The following USP32 variants were observed in gnomAD, a reference collection of about 807,000 sequenced individuals.
The protein encoded by USP32 is ubiquitin carboxyl-terminal hydrolase 32.
In USP32, 59 loss-of-function variants were observed where a neutral mutation model predicts 204.8. That is an observed-to-expected ratio of 0.29 (90% CI 0.23 to 0.36). The LOEUF (loss-of-function observed/expected upper bound fraction) is 0.36, where lower values mean the gene tolerates loss of function less well. Among genes scored for constraint, USP32 ranks in the 10% least tolerant of loss-of-function variants. USP32 has a pLI of 1.00. For missense variants in USP32, 1,160 were observed against 1,946.4 expected (o/e 0.60, Z 7.60); for synonymous variants, 517 against 678.4 (o/e 0.76, Z 3.70).
chr17:60,291,912 A>G (rs936179838), intron 4 of USP32, among the ~76,000 whole-genome samples: 2 of 151,716 alleles, frequency 1.3e-5, no homozygotes, highest in African/African-American at 2.4e-5. Flanking sequence ...TCCTCTTCCC[A>G]TAATTGAAAA....
chr17:60,304,242 C>A (rs925195986), intron 2 of USP32, among the ~76,000 whole-genome samples: 1 of 151,068 alleles, frequency 6.6e-6, no homozygotes, highest in Non-Finnish European at 1.5e-5. Flanking sequence ...ATTATGTAAG[C>A]CAGAAATCAA....
intron 5 of USP32, among the ~76,000 whole-genome samples, chr17:60,273,761 C>A: frequency 6.6e-6 from 1 of 151,972 alleles, no homozygotes; most frequent in Non-Finnish European, 1.5e-5. Context: ...GAGTTCGAGA[C>A]CAGCCTGGCC....
chr17:60,329,382 G>A (rs2088323095), intron 2 of USP32, among the ~76,000 whole-genome samples: 1 of 151,134 alleles, frequency 6.6e-6, no homozygotes, highest in African/African-American at 2.4e-5. Context: ...TTATATGCTA[G>A]GTATGAGCCC....
At chr17:60,412,691 G>A (rs2090028110) in intron 1 of USP32, among the ~76,000 whole-genome samples, 1 of 152,072 alleles carries the variant, frequency 6.6e-6, no homozygotes, top group South Asian at 2.1e-4. Context: ...TACAAATACG[G>A]TGCCCTGGAA....
At chr17:60,418,227 G>A (rs1232088515) in intron 1 of USP32, among the ~76,000 whole-genome samples, 3 of 151,960 alleles carry the variant, frequency 2.0e-5, no homozygotes, top group African/African-American at 7.2e-5. Flanking sequence ...CAAAGTGCTG[G>A]GATTACAGGC....
chr17:60,409,050 C>G (rs532597749), intron 1 of USP32, among the ~76,000 whole-genome samples: 2 of 152,120 alleles, frequency 1.3e-5, no homozygotes, highest in Admixed American at 6.6e-5. Flanking sequence ...AGCTGACTCA[C>G]AGTAAAACTT....
chr17:60,224,810 G>C (rs1012375282), intron 13 of USP32, among the ~76,000 whole-genome samples: 25 of 151,908 alleles, frequency 1.6e-4, no homozygotes, highest in African/African-American at 6.0e-4. Flanking sequence ...ATAACAATAG[G>C]GTAAGATTGA....
In USP32 at chr17:60,255,203, G is replaced by T. The variant is rs767346167; in HGVS notation, c.1046C>A (p.Ala349Asp). The T allele has an allele frequency of 3.1e-6, 5 of 1,613,368 alleles. No individual in the cohort carries two copies. The Admixed American group carries it at 6.7e-5, about 22-fold the overall frequency. The change falls in exon 10 of 34, where the codon GCC becomes GAC. Residue 349 changes from alanine (A) to aspartate (D), a missense_variant. Around this residue, in one of 8 missense-constraint regions of USP32, gnomAD observed 536 missense variants for 680.9 expected, o/e 0.79. Coordinates refer to ENST00000300896, the MANE Select transcript of USP32 (RefSeq NM_032582.4). ...GAAAAGGAGGTTCAAAAACTCATTG[G>T]CAAGAACATTTTTCACACTCCAGAT... Reference protein sequence around the residue: ...YQIWSVKNVLANEFLNLLFQV... With the variant: ...YQIWSVKNVLDNEFLNLLFQV...
chr17:60,216,622 C>T (rs1361419556), intron 16 of USP32, among the ~76,000 whole-genome samples: 2 of 152,260 alleles, frequency 1.3e-5, no homozygotes, highest in Non-Finnish European at 2.9e-5. Context: ...AAAACAATGA[C>T]TTCTATAGCC....
chr17:60,414,462 T>G (rs2143101321), intron 1 of USP32, among the ~76,000 whole-genome samples: 1 of 151,638 alleles, frequency 6.6e-6, no homozygotes, highest in African/African-American at 2.4e-5. Flanking sequence ...AGAGTCTCGC[T>G]CTGTTGCCCA....
At chr17:60,225,952 C>CAAAAAAAAAAAAAA in intron 13 of USP32, 87 bp downstream of exon 13, 1 of 1,013,102 alleles carries the variant, frequency 9.9e-7, no homozygotes, top group Non-Finnish European at 1.3e-6. Flanking sequence ...AACTCAGTCT[C>CAAAAAAAAAAAAAA]AAAAAAAAAA....
chr17:60,327,214 T>G (rs1166890429), intron 2 of USP32, among the ~76,000 whole-genome samples: 1 of 152,236 alleles, frequency 6.6e-6, no homozygotes, highest in African/African-American at 2.4e-5. Flanking sequence ...TTTGACATTA[T>G]ATACACGTAT....
intron 11 of USP32, among the ~76,000 whole-genome samples, chr17:60,244,180 C>T (rs1567797698): frequency 6.6e-6 from 1 of 151,566 alleles, no homozygotes; most frequent in African/African-American, 2.4e-5. Flanking sequence ...GGACTATAGG[C>T]GCCCACCACC....
intron 1 of USP32, among the ~76,000 whole-genome samples, chr17:60,385,030 T>C (rs2146124359): frequency 6.6e-6 from 1 of 152,282 alleles, no homozygotes; most frequent in East Asian, 1.9e-4. Flanking sequence ...CACAATACAT[T>C]CAGATGGCCT....
intron 2 of USP32, among the ~76,000 whole-genome samples, chr17:60,326,415 A>T (rs916834230): frequency 6.6e-6 from 1 of 151,518 alleles, no homozygotes; most frequent in African/African-American, 2.4e-5. Flanking sequence ...GGTTCAAGCG[A>T]TTCTCCTGCC....
At chr17:60,279,219 A>T (rs2086907186) in intron 5 of USP32, among the ~76,000 whole-genome samples, 1 of 152,154 alleles carries the variant, frequency 6.6e-6, no homozygotes, top group Non-Finnish European at 1.5e-5. Flanking sequence ...AATCCTGTTG[A>T]CTGGGCACAG....
chr17:60,388,657 G>A (rs1387334120), intron 1 of USP32, among the ~76,000 whole-genome samples: 4 of 152,090 alleles, frequency 2.6e-5, no homozygotes, highest in African/African-American at 7.2e-5. Context: ...GGCTTTCCTT[G>A]TGTTTTACTC....
At chr17:60,237,111 ACTCTATCTATC>A (rs960142843) in intron 11 of USP32, among the ~76,000 whole-genome samples, 4 of 130,284 alleles carry the variant, frequency 3.1e-5, no homozygotes, top group African/African-American at 1.2e-4. Context: ...AAAAAAATCT[ACTCTATCTATC>A]TATCTATCTA....
intron 3 of USP32, among the ~76,000 whole-genome samples, chr17:60,300,807 C>G (rs896887625): frequency 6.6e-6 from 1 of 152,128 alleles, no homozygotes; most frequent in South Asian, 2.1e-4. Flanking sequence ...TTTCGCCAAC[C>G]CAAAAGGAAA....
Sources: allele counts gnomAD v4.1 joint callset (sites outside exome capture counted in the v4.1 genomes callset), GRCh38; gene constraint gnomAD v4.1.1; regional missense constraint gnomAD v4.1.1; transcripts MANE v1.5; gene names NCBI Gene and HGNC (gene_info 2026-07-23, HGNC 2026-07-21).